The following PDHX variants were observed in gnomAD, a reference collection of about 807,000 sequenced individuals.
The protein encoded by PDHX is pyruvate dehydrogenase protein X component, mitochondrial.
In PDHX, 33 loss-of-function variants were observed where a neutral mutation model predicts 55.3. The observed-to-expected ratio is 0.60, with a 90% CI of 0.45 to 0.80. The LOEUF (loss-of-function observed/expected upper bound fraction) is 0.80. PDHX is among the 30% of genes least tolerant of loss of function. The pLI is 0.00. For missense variants in PDHX, 622 were observed against 619.9 expected (o/e 1.00, Z -0.04); for synonymous variants, 226 against 219.4 (o/e 1.03, Z -0.27).
chr11:34,992,786 G>C (rs950724962), intron 10 of PDHX, among the ~76,000 whole-genome samples: 1 of 152,130 alleles, frequency 6.6e-6, no homozygotes, highest in African/African-American at 2.4e-5. Context: ...GTTGCTTCCA[G>C]TTCGGGGCTA....
At chr11:34,973,331 C>A (rs576207609) in intron 7 of PDHX, among the ~76,000 whole-genome samples, 19 of 152,126 alleles carry the variant, frequency 1.2e-4, no homozygotes, top group African/African-American at 4.6e-4. Flanking sequence ...AAGTAGGTTT[C>A]TTGAAGGCAG....
chr11:34,985,795 G>A (rs1260941244), intron 9 of PDHX, among the ~76,000 whole-genome samples: 9 of 152,156 alleles, frequency 5.9e-5, no homozygotes, highest in African/African-American at 9.7e-5. Flanking sequence ...TTGGGGAGCC[G>A]ACAGTACATA....
intron 1 of PDHX, among the ~76,000 whole-genome samples, chr11:34,924,945 C>T (rs1162104911): frequency 2.0e-5 from 3 of 152,142 alleles, no homozygotes; most frequent in Non-Finnish European, 4.4e-5. Context: ...TTTCCCTCCC[C>T]AGTGAAATTA....
chr11:34,989,831 C>T (rs1855723355), intron 9 of PDHX, among the ~76,000 whole-genome samples: 1 of 152,142 alleles, frequency 6.6e-6, no homozygotes, highest in South Asian at 2.1e-4. Flanking sequence ...TCTGTGTTCC[C>T]TACTGTCTGA....
chr11:34,936,696 G>GT (rs1854318931), intron 2 of PDHX, among the ~76,000 whole-genome samples: 1 of 151,504 alleles, frequency 6.6e-6, no homozygotes, highest in African/African-American at 2.4e-5. Flanking sequence ...CCAATCTGCA[G>GT]TTTATCAGTC....
At position 34,956,739 on chromosome 11, in the gene PDHX, A is replaced by T. The variant is rs571737235; in HGVS notation, c.343-645A>T. ...TAACTGAGACACCACTGTGTTTCTG[A>T]TATACTTATAAAAAAACTCATGAGG... On this transcript the variant is annotated intron_variant, in intron 3 of 10. Transcript: ENST00000227868. 4.7e-4 allele frequency among the ~76,000 whole-genome samples: 71 copies of T among 152,246 alleles called. 1 individual carries two copies. Among genetic ancestry groups the T allele is most frequent in the African/African-American group, 1.6e-3 (67 of 41,552 alleles).
At chr11:34,932,389 A>G (rs887007661) in intron 2 of PDHX, among the ~76,000 whole-genome samples, 9 of 152,200 alleles carry the variant, frequency 5.9e-5, no homozygotes, top group African/African-American at 2.2e-4. Context: ...TAAAAAATCG[A>G]TAAGACTGTC....
intron 8 of PDHX, among the ~76,000 whole-genome samples, chr11:34,983,496 A>G (rs188690701): frequency 6.6e-6 from 1 of 152,366 alleles, no homozygotes; most frequent in African/African-American, 2.4e-5. Flanking sequence ...CCCTGTTTGC[A>G]GATGACATGA....
upstream of PDHX, chr11:34,916,551 A>T: frequency 6.6e-7 from 1 of 1,515,832 alleles, no homozygotes; most frequent in South Asian, 1.2e-5. Context: ...TGAGAGACCT[A>T]AAGGCACCGC....
At position 34,966,651 on chromosome 11, in the gene PDHX, A is replaced by G. The variant is rs762240579; in HGVS notation, c.653A>G (p.Lys218Arg). 1.1e-5 allele frequency: 17 copies of G among 1,613,918 alleles called. No individual in the cohort carries two copies. Among genetic ancestry groups the G allele is most frequent in the Middle Eastern group, 1.6e-4 (1 of 6,084 alleles). ...GCTCTTATTTCCAGGGATGCTCTCA[A>G]ACTTGTCCAGTTGAAACAAACGGGC... is the stretch of plus-strand genomic sequence containing the variant. ...RGIFTKEDALKLVQLKQTGKI... is the reference protein window; with the variant it reads ...RGIFTKEDALRLVQLKQTGKI... Residue 218 changes from lysine to arginine, a missense_variant, in exon 6 of 11, where the codon AAA (lysine) becomes AGA (arginine). Transcript: ENST00000227868.
At chr11:34,989,406 C>G (rs987032119) in intron 9 of PDHX, among the ~76,000 whole-genome samples, 1 of 152,128 alleles carries the variant, frequency 6.6e-6, no homozygotes, top group Admixed American at 6.5e-5. Context: ...AAGAAGAGAC[C>G]TGAGTCAAAC....
chr11:34,970,298 T>C lies in PDHX; in HGVS notation c.964+12T>C. The C allele has an allele frequency of 6.2e-7, 1 of 1,601,910 alleles. No individual in the cohort carries two copies. The highest frequency in any genetic ancestry group is 1.1e-5 in the South Asian group (1 of 90,798). ...AGATCTGGTCAAAGGTTAGTAAAAT[T>C]GAATTTACTTAATACAAAACACATG... On this transcript the variant is annotated intron_variant, in intron 7 of 10. Coordinates refer to ENST00000227868, the MANE Select transcript of PDHX (RefSeq NM_003477.3).
At chr11:34,942,762 G>A (rs1854518256) in intron 2 of PDHX, among the ~76,000 whole-genome samples, 1 of 152,146 alleles carries the variant, frequency 6.6e-6, no homozygotes, top group African/African-American at 2.4e-5. Flanking sequence ...ACTTCCCTGT[G>A]ATTTATTGGT....
chr11:34,960,860 A>G (rs1180501241), intron 5 of PDHX, among the ~76,000 whole-genome samples: 1 of 152,198 alleles, frequency 6.6e-6, no homozygotes, highest in East Asian at 1.9e-4. Context: ...AAACAAGGAA[A>G]TATATTTTTA....
At chr11:34,944,531 A>T (rs1159197322) in intron 2 of PDHX, among the ~76,000 whole-genome samples, 1 of 152,224 alleles carries the variant, frequency 6.6e-6, no homozygotes, top group Non-Finnish European at 1.5e-5. Flanking sequence ...ATTTATTTTT[A>T]AAAATAACTT....
At chr11:34,939,504 T>C (rs2915192) in intron 2 of PDHX, among the ~76,000 whole-genome samples, 88,540 of 148,460 alleles carry the variant, frequency 0.6, 27,364 homozygotes, top group East Asian at 0.74. Context: ...TGTGTGTGTG[T>C]GCACTTGCAT....
rs1327351925 is a variant in PDHX at position 34,953,612 on chromosome 11, C to T, written c.343-3772C>T. Among the ~76,000 whole-genome samples the T allele has an allele frequency of 3.3e-5, 5 of 152,242 alleles. No homozygotes were observed. In the South Asian group the frequency reaches 8.3e-4, roughly 25 times the overall value. On this transcript the variant is annotated intron_variant, in intron 3 of 10. Transcript: ENST00000227868. The stretch of plus-strand genomic sequence containing the variant: ...CTTTTAAACTTGTTTTTTTAAAATA[C>T]AGACACCATCTTGAGGTGCTGCATG...
chr11:34,951,542 T>G (rs1001537627), intron 3 of PDHX, among the ~76,000 whole-genome samples: 5 of 152,142 alleles, frequency 3.3e-5, no homozygotes, highest in African/African-American at 4.8e-5. Context: ...TTGATGGGGT[T>G]GTTTGTTTTT....
chr11:34,991,174 G>A (rs1041756825), intron 9 of PDHX, among the ~76,000 whole-genome samples: 1 of 152,136 alleles, frequency 6.6e-6, no homozygotes, highest in African/African-American at 2.4e-5. Context: ...AATCGCTGTG[G>A]TCAAGAGTGA....
Sources: gnomAD v4.1 joint callset for allele counts (sites outside exome capture counted in the v4.1 genomes callset) on GRCh38, gnomAD v4.1.1 for gene constraint, MANE v1.5 for transcripts, NCBI Gene and HGNC (gene_info 2026-07-23, HGNC 2026-07-21) for gene names.